GREB1L: variants seen among roughly 807,000 people sequenced by gnomAD.
GREB1L encodes GREB1-like protein.
GREB1L carries 17 observed loss-of-function variants against 200.8 expected under a neutral mutation model. The observed-to-expected ratio is 0.08, with a 90% CI of 0.06 to 0.13. The LOEUF (loss-of-function observed/expected upper bound fraction) is 0.13. Among genes scored for constraint, GREB1L ranks in the 10% least tolerant of loss-of-function variants. The pLI is 1.00. For missense variants in GREB1L, 1,657 were observed against 2,367.7 expected, an observed-to-expected ratio of 0.70 and a Z score of 6.23; for synonymous variants, 789 against 893.0, an observed-to-expected ratio of 0.88 and a Z score of 2.08.
intron 7 of GREB1L, among the ~76,000 whole-genome samples, chr18:21,428,400 G>A (rs2145020580): frequency 9.0e-6 from 1 of 110,758 alleles, no homozygotes; most frequent in African/African-American, 3.6e-5. Context: ...TTTTTTTGTA[G>A]ATGCTTTTTA....
intron 1 of GREB1L, among the ~76,000 whole-genome samples, chr18:21,294,213 A>G (rs949739552): frequency 2.0e-5 from 3 of 152,144 alleles, no homozygotes; most frequent in Admixed American, 1.3e-4. Flanking sequence ...TTTATTTTCA[A>G]TTAATTTAAA....
intron 1 of GREB1L, among the ~76,000 whole-genome samples, chr18:21,301,912 C>T (rs771856110): frequency 2.6e-5 from 4 of 151,874 alleles, no homozygotes; most frequent in African/African-American, 4.8e-5. Context: ...ATTGCTGGCA[C>T]GAGGAATTGG....
At chr18:21,281,875 G>A (rs1320390516) in intron 1 of GREB1L, among the ~76,000 whole-genome samples, 2 of 152,142 alleles carry the variant, frequency 1.3e-5, no homozygotes, top group Non-Finnish European at 2.9e-5. Flanking sequence ...TTTATGGTAT[G>A]TAAGTTATAA....
At chr18:21,249,141 CTTTTT>C (rs200780006) in intron 1 of GREB1L, among the ~76,000 whole-genome samples, 2 of 146,994 alleles carry the variant, frequency 1.4e-5, no homozygotes, top group Non-Finnish European at 3.0e-5. Flanking sequence ...ATTGTAGAAT[CTTTTT>C]TTTTTTATTT....
intron 15 of GREB1L, chr18:21,468,890 T>G: frequency 2.3e-6 from 1 of 425,584 alleles, no homozygotes. Context: ...ATTGAGGTTT[T>G]GAGTTTTTGG....
chr18:21,331,163 G>A (rs1473845419), intron 1 of GREB1L, among the ~76,000 whole-genome samples: 1 of 152,128 alleles, frequency 6.6e-6, no homozygotes, highest in African/African-American at 2.4e-5. Context: ...TATTATATTT[G>A]TTTAACTGCT....
At chr18:21,389,104 G>T (rs1191498959) in intron 4 of GREB1L, among the ~76,000 whole-genome samples, 1 of 151,998 alleles carries the variant, frequency 6.6e-6, no homozygotes, top group Admixed American at 6.6e-5. Context: ...TTGAGGGCAG[G>T]CTACGTAAAT....
chr18:21,331,811 A>C (rs2039110614), intron 1 of GREB1L, among the ~76,000 whole-genome samples: 2 of 152,214 alleles, frequency 1.3e-5, no homozygotes, highest in Non-Finnish European at 2.9e-5. Flanking sequence ...AGATTAATAA[A>C]CACAGTTTTT....
At position 21,516,600 on chromosome 18, in the gene GREB1L, G is replaced by T; in HGVS notation, c.5130-13G>T. 1 of 1,550,520 alleles carries T rather than the reference G, an allele frequency of 6.4e-7. No homozygotes were observed. The highest frequency in any genetic ancestry group is 1.4e-5 in the African/African-American group (1 of 73,108). The stretch of plus-strand genomic sequence containing the variant: ...GCCAGCGGAAGAAAACTATTGTTGT[G>T]GTTACAATTTAGGTATTTCTGTGAA... On this transcript the variant is annotated splice_polypyrimidine_tract_variant and intron_variant, in intron 29 of 32. Coordinates refer to ENST00000424526, the MANE Select transcript of GREB1L (RefSeq NM_001142966.3).
At chr18:21,318,831 G>A (rs2038910748) in intron 1 of GREB1L, among the ~76,000 whole-genome samples, 1 of 152,200 alleles carries the variant, frequency 6.6e-6, no homozygotes, top group Admixed American at 6.5e-5. Context: ...CTGGGAAAGT[G>A]AAGATCTGAA....
intron 7 of GREB1L, among the ~76,000 whole-genome samples, chr18:21,424,352 G>A (rs749299923): frequency 6.6e-6 from 1 of 152,172 alleles, no homozygotes; most frequent in African/African-American, 2.4e-5. Flanking sequence ...CGAATCACTT[G>A]AGGCCAGGAG....
At chr18:21,431,925 T>C (rs796338589) in intron 7 of GREB1L, among the ~76,000 whole-genome samples, 16 of 137,006 alleles carry the variant, frequency 1.2e-4, no homozygotes, top group African/African-American at 2.2e-4. Flanking sequence ...TTTTCTTTTT[T>C]TTTTTTTTTT....
chr18:21,430,017 C>T (rs1265565983), intron 7 of GREB1L, among the ~76,000 whole-genome samples: 3 of 152,228 alleles, frequency 2.0e-5, no homozygotes, highest in East Asian at 1.9e-4. Flanking sequence ...TGTGTCCTCA[C>T]GTGGCCTTTC....
chr18:21,249,386 T>A (rs534210781), intron 1 of GREB1L, among the ~76,000 whole-genome samples: 2 of 152,322 alleles, frequency 1.3e-5, no homozygotes, highest in East Asian at 3.9e-4. Flanking sequence ...GCTTACTGAA[T>A]CAGAATCTCT....
At position 21,500,212 on chromosome 18, in the gene GREB1L, G is replaced by A. The variant is rs369883129; in HGVS notation, c.3875G>A (p.Arg1292Gln). Residue 1292 changes from arginine (R) to glutamine (Q), a missense_variant, in exon 22 of 33, where the codon CGG (arginine) becomes CAG (glutamine). By Grantham distance (43) the Arg-to-Gln change is conservative. Coordinates refer to ENST00000424526, the MANE Select transcript of GREB1L (RefSeq NM_001142966.3). ...SLYYRQWTLARQHHADYSNQL... is the reference protein window; with the variant it reads ...SLYYRQWTLAQQHHADYSNQL... Reference sequence around the variant, plus strand: ...TACTACAGGCAGTGGACCTTGGCCCGGCAGCACCACGCTGACTATAGCAAC... The same window carrying A: ...TACTACAGGCAGTGGACCTTGGCCCAGCAGCACCACGCTGACTATAGCAAC... The A allele has an allele frequency of 3.7e-4, 571 of 1,543,726 alleles. 1 individual carries two copies. In the African/African-American group the frequency reaches 6.7e-3, roughly 18 times the overall value.
At chr18:21,354,511 A>T (rs1272353280) in intron 1 of GREB1L, among the ~76,000 whole-genome samples, 1 of 152,220 alleles carries the variant, frequency 6.6e-6, no homozygotes, top group Non-Finnish European at 1.5e-5. Flanking sequence ...GAATAGGCAA[A>T]AACAGAAAAA....
intron 5 of GREB1L, among the ~76,000 whole-genome samples, chr18:21,399,981 G>T (rs1203315670): frequency 1.3e-5 from 2 of 151,940 alleles, no homozygotes; most frequent in African/African-American, 4.8e-5. Flanking sequence ...GGTTAGCTTA[G>T]GGGTCTGAAA....
chr18:21,294,940 A>G (rs2038503864), intron 1 of GREB1L, among the ~76,000 whole-genome samples: 1 of 152,108 alleles, frequency 6.6e-6, no homozygotes, highest in Admixed American at 6.6e-5. Context: ...ATTGTGATGA[A>G]TTTCCCTTGG....
chr18:21,468,325 CT>C (rs1251226891), intron 15 of GREB1L, among the ~76,000 whole-genome samples: 1 of 152,104 alleles, frequency 6.6e-6, no homozygotes, highest in Non-Finnish European at 1.5e-5. Flanking sequence ...CATGAAATGT[CT>C]AGAATAAGCC....
Sources: allele counts gnomAD v4.1 joint callset (sites outside exome capture counted in the v4.1 genomes callset), GRCh38; gene constraint gnomAD v4.1.1; transcripts MANE v1.5; gene names NCBI Gene and HGNC (gene_info 2026-07-23, HGNC 2026-07-21).